TENM2: variants seen among roughly 807,000 people sequenced by gnomAD.
The protein encoded by TENM2 is teneurin transmembrane protein 2.
TENM2 carries 52 observed loss-of-function variants against 245.2 expected under a neutral mutation model. The ratio of observed to expected loss-of-function variants is 0.21; its 90% CI spans 0.17 to 0.27. The LOEUF is 0.27. Among genes scored for constraint, TENM2 ranks in the 10% least tolerant of loss-of-function variants. The pLI is 1.00. For synonymous variants in TENM2, 1,363 were observed against 1,438.9 expected (o/e 0.95, Z 1.19); for missense variants, 3,046 against 3,666.8 (o/e 0.83, Z 4.37).
intron 13 of TENM2, among the ~76,000 whole-genome samples, chr5:168,180,341 C>T (rs1398715624): frequency 1.3e-5 from 2 of 152,240 alleles, no homozygotes; most frequent in Admixed American, 1.3e-4. Context: ...ATATCAAAGC[C>T]TCCAGGAAGT....
chr5:167,568,549 T>C (rs1228203418), intron 2 of TENM2, among the ~76,000 whole-genome samples: 1 of 152,060 alleles, frequency 6.6e-6, no homozygotes, highest in African/African-American at 2.4e-5. Context: ...AGACAGTAAG[T>C]GTGTGACACC....
intron 3 of TENM2, among the ~76,000 whole-genome samples, chr5:167,928,536 A>G (rs1341354824): frequency 2.0e-5 from 3 of 152,168 alleles, no homozygotes. Flanking sequence ...TTTAGTTATT[A>G]CTGAAGGAGG....
At chr5:167,471,882 G>T (rs533902767) in intron 2 of TENM2, among the ~76,000 whole-genome samples, 1 of 152,310 alleles carries the variant, frequency 6.6e-6, no homozygotes, top group South Asian at 2.1e-4. Context: ...AGAGGCTGTG[G>T]ATTGAGTCCT....
intron 2 of TENM2, among the ~76,000 whole-genome samples, chr5:167,872,057 G>A (rs140028851): frequency 1.3e-5 from 2 of 152,124 alleles, no homozygotes; most frequent in East Asian, 3.9e-4. Flanking sequence ...ACTTTGGGAG[G>A]CTGAGGCAGG....
chr5:167,430,613 G>T (rs550891314), intron 2 of TENM2, among the ~76,000 whole-genome samples: 1 of 152,312 alleles, frequency 6.6e-6, no homozygotes, highest in Admixed American at 6.5e-5. Context: ...AGAATGGGAG[G>T]TGGTGCAGCC....
At chr5:167,321,374 A>T (rs766091446) in intron 1 of TENM2, among the ~76,000 whole-genome samples, 3 of 152,054 alleles carry the variant, frequency 2.0e-5, no homozygotes, top group Non-Finnish European at 2.9e-5. Flanking sequence ...TTCCTTTTCT[A>T]TCTGGAGGCT....
intron 2 of TENM2, among the ~76,000 whole-genome samples, chr5:167,558,042 G>C (rs1159017552): frequency 2.6e-5 from 4 of 152,176 alleles, no homozygotes; most frequent in Non-Finnish European, 5.9e-5. Flanking sequence ...TTGCATAGAA[G>C]ATCTTCTAAA....
At chr5:167,307,670 C>A (rs1370815159) in intron 1 of TENM2, among the ~76,000 whole-genome samples, 4 of 152,228 alleles carry the variant, frequency 2.6e-5, no homozygotes, top group Non-Finnish European at 5.9e-5. Context: ...CATTCAGCAA[C>A]ATCACCTGCT....
chr5:167,889,677 C>G (rs975029368), intron 3 of TENM2, among the ~76,000 whole-genome samples: 3 of 152,106 alleles, frequency 2.0e-5, no homozygotes, highest in African/African-American at 7.2e-5. Context: ...TTGTGACTCT[C>G]CCTCTTTCTC....
At chr5:167,714,733 T>A (rs1312229197) in intron 2 of TENM2, among the ~76,000 whole-genome samples, 1 of 152,216 alleles carries the variant, frequency 6.6e-6, no homozygotes, top group Non-Finnish European at 1.5e-5. Context: ...ACCAATCCTA[T>A]GAGGTTCTTA....
chr5:167,915,250 C>T (rs896844206), intron 3 of TENM2, among the ~76,000 whole-genome samples: 9 of 152,200 alleles, frequency 5.9e-5, no homozygotes, highest in Admixed American at 2.6e-4. Context: ...CCCCAAATGA[C>T]ACATGCAGCA....
chr5:167,746,675 C>CAGAGAGAGAGAGAGAGAGAGAGAG lies in TENM2; in HGVS notation c.503-129294_503-129271dup, dbSNP rs57973052. Among the ~76,000 whole-genome samples, 93 of 117,172 alleles carry CAGAGAGAGAGAGAGAGAGAGAGAG rather than the reference C, an allele frequency of 7.9e-4. 1 individual carries two copies. Among genetic ancestry groups the CAGAGAGAGAGAGAGAGAGAGAGAG allele is most frequent in the East Asian group, 2.0e-3 (8 of 4,004 alleles). The allele number at this position is 117,172 out of a possible 152,430, so 76.9% of individuals were successfully genotyped here. A position where few individuals can be genotyped will look rare whatever the true frequency, so the allele number is the denominator to read the frequency against. ...GGGCACTGTAGAGCTAAATTACCAA[C>CAGAGAGAGAGAGAGAGAGAGAGAG]AGAGAGAGAGAGAGAGAGAGAGAGA... On this transcript the variant is annotated intron_variant, in intron 2 of 28. Transcript: ENST00000518659.
At chr5:167,658,616 A>G (rs2150314374) in intron 2 of TENM2, among the ~76,000 whole-genome samples, 1 of 152,250 alleles carries the variant, frequency 6.6e-6, no homozygotes, top group African/African-American at 2.4e-5. Context: ...GGATATTCAG[A>G]CCACAGCAAT....
At chr5:167,518,499 T>G (rs949066932) in intron 2 of TENM2, among the ~76,000 whole-genome samples, 1 of 152,192 alleles carries the variant, frequency 6.6e-6, no homozygotes, top group African/African-American at 2.4e-5. Context: ...TGAATGTTTG[T>G]AATTGTATAT....
At chr5:167,082,476 G>A in the TENM2 span, among the ~76,000 whole-genome samples, 1 of 151,890 alleles carries the variant, frequency 6.6e-6, no homozygotes, top group African/African-American at 2.4e-5. Flanking sequence ...TAGTAGAGAC[G>A]GGGTTTCACC....
At chr5:168,088,412 T>C (rs1274047318) in intron 7 of TENM2, 1 of 152,136 alleles carries the variant, frequency 6.6e-6, no homozygotes, top group Non-Finnish European at 1.5e-5. Context: ...CTGTGACCAA[T>C]GGGATATGGG....
At chr5:168,249,464 G>A (rs1766901117) in intron 27 of TENM2, among the ~76,000 whole-genome samples, 1 of 148,038 alleles carries the variant, frequency 6.8e-6, no homozygotes, top group Non-Finnish European at 1.5e-5. Context: ...GTGTGTGTGT[G>A]TGTGTGTGTG....
At chr5:167,523,991 A>G (rs916783682) in intron 2 of TENM2, among the ~76,000 whole-genome samples, 2 of 152,092 alleles carry the variant, frequency 1.3e-5, no homozygotes, top group African/African-American at 4.8e-5. Flanking sequence ...AGATAATGGT[A>G]CCCCAGGTTA....
At chr5:167,213,636 C>T in the TENM2 span, among the ~76,000 whole-genome samples, 1 of 152,134 alleles carries the variant, frequency 6.6e-6, no homozygotes, top group African/African-American at 2.4e-5. Context: ...AAGCAGGTTA[C>T]ATGTGATGAT....
Sources: gnomAD v4.1 joint callset for allele counts (sites outside exome capture counted in the v4.1 genomes callset) on GRCh38, gnomAD v4.1.1 for gene constraint, MANE v1.5 for transcripts, NCBI Gene and HGNC (gene_info 2026-07-23, HGNC 2026-07-21) for gene names.